TXLNG: variants seen among roughly 807,000 people sequenced by gnomAD.
TXLNG encodes the protein gamma-taxilin.
Under a neutral mutation model 38.8 loss-of-function variants are expected in TXLNG, and 5 were observed. That is an observed-to-expected ratio of 0.13 (90% CI 0.07 to 0.27). TXLNG has a LOEUF of 0.27. Ranked by LOEUF, TXLNG falls within the 10% of genes least tolerant of loss-of-function variation. TXLNG has a pLI of 1.00. For missense variants in TXLNG, 393 were observed against 398.2 expected, an observed-to-expected ratio of 0.99 and a Z score of 0.11; for synonymous variants, 182 against 158.2, an observed-to-expected ratio of 1.15 and a Z score of -1.13.
intron 3 of TXLNG, among the ~76,000 whole-genome samples, chrX:16,822,928 G>C (rs1380979586): frequency 1.8e-5 from 2 of 111,869 alleles, no homozygotes; most frequent in Non-Finnish European, 3.8e-5. Flanking sequence ...GATCACACTT[G>C]AAGTAGCAGG....
chrX:16,792,610 G>A (rs1927742733), intron 1 of TXLNG, among the ~76,000 whole-genome samples: 1 of 108,656 alleles, frequency 9.2e-6, no homozygotes, highest in Non-Finnish European at 1.9e-5. Flanking sequence ...GGGAGACCCC[G>A]TCTCTATGAA....
chrX:16,816,394 C>G (rs1326438172), intron 1 of TXLNG, among the ~76,000 whole-genome samples: 1 of 112,720 alleles, frequency 8.9e-6, no homozygotes, highest in African/African-American at 3.2e-5. Flanking sequence ...GAGACGAAGT[C>G]TCACTATATT....
chrX:16,840,354 G>T (rs747208190), intron 9 of TXLNG: 8 of 561,578 alleles, frequency 1.4e-5, no homozygotes, highest in Non-Finnish European at 1.7e-5. Flanking sequence ...AGGTGATGCT[G>T]ATGCAGCATG....
At position 16,829,565 on chromosome X, in the gene TXLNG, T is replaced by G; in HGVS notation, c.670-11T>G. 8.3e-7 allele frequency: 1 copy of G among 1,205,306 alleles called. No homozygotes were observed. Among genetic ancestry groups the G allele is most frequent in the South Asian group, 1.8e-5 (1 of 56,201 alleles). On this transcript the variant is annotated splice_polypyrimidine_tract_variant and intron_variant, in intron 4 of 9. Transcript: ENST00000380122. ...TCTGTATTATTAACAAAAATTATTT[T>G]GGGTAATAAGGAGGAAAATATGCAG... is the stretch of plus-strand genomic sequence containing the variant.
chrX:16,787,188 G>C (rs62586582), intron 1 of TXLNG, among the ~76,000 whole-genome samples: 3,040 of 112,056 alleles, frequency 0.027, 59 homozygotes, highest in Non-Finnish European at 0.04. Context: ...GAGCGGGTGA[G>C]TGTCGCAGGG....
chrX:16,841,944 C>A lies in TXLNG; in HGVS notation c.*178C>A. ...GCTTAGCAGTTTTGAATAGTTTAAT[C>A]TATAAATTTTCCTCAGCTGTGTTGC... On this transcript the variant is annotated 3_prime_UTR_variant, in exon 10 of 10. Coordinates refer to ENST00000380122, the MANE Select transcript of TXLNG (RefSeq NM_018360.3). 2.0e-6 allele frequency: 1 copy of A among 505,110 alleles called. No homozygotes were observed. 41.6% of individuals were successfully genotyped at this position (505,110 alleles called of 1,213,427 possible).
rs777703350 is a variant in TXLNG at position 16,818,796 on chromosome X, A to G, written c.325A>G (p.Ile109Val). ...CTGCACGCAAGAATCAAGAGAGGAA[A>G]TCCCTGGGGGAGAAGCTCGAACAGA... The part of the protein sequence containing the change: ...AYCTQESREE[I>V]PGGEARTDPP... Residue 109 changes from isoleucine to valine, a missense_variant, in exon 2 of 10, where the codon ATC (isoleucine) becomes GTC (valine). Transcript: ENST00000380122. 2 of 1,212,126 alleles carry G rather than the reference A, an allele frequency of 1.6e-6. No homozygotes were observed. The highest frequency in any genetic ancestry group is 4.3e-5 in the Admixed American group (2 of 46,041).
rs1929920768 is a variant in TXLNG at position 16,843,061 on chromosome X, TG to T, written c.*1297del. ...CAGATGATTAATCAGGCTGCACTGA[TG>T]GAAGTTTTGACTTTGTCCCTGGTAT... On this transcript the variant is annotated 3_prime_UTR_variant, in exon 10 of 10. Transcript: ENST00000380122. The T allele has an allele frequency of 8.9e-6, 1 of 112,598 alleles. No homozygotes were observed. The highest frequency in any genetic ancestry group is 3.2e-5 in the African/African-American group (1 of 31,008). 9.3% of individuals were successfully genotyped at this position (112,598 alleles called of 1,213,427 possible). A position where few individuals can be genotyped will look rare whatever the true frequency, so the allele number is the denominator to read the frequency against.
At position 16,842,793 on chromosome X, in the gene TXLNG, C is replaced by G. The variant is rs950237241; in HGVS notation, c.*1027C>G. On this transcript the variant is annotated 3_prime_UTR_variant, in exon 10 of 10. Coordinates refer to ENST00000380122, the MANE Select transcript of TXLNG (RefSeq NM_018360.3). ...CCGAAATTGATTTTCATTTCCAAAA[C>G]AAACACTGGCACCAACATTTTTACT... 11 of 111,990 alleles carry G rather than the reference C, an allele frequency of 9.8e-5. No individual in the cohort carries two copies. Among genetic ancestry groups the G allele is most frequent in the Admixed American group, 9.5e-4 (10 of 10,549 alleles). The allele number at this position is 111,990 out of a possible 1,213,427, so 9.2% of individuals were successfully genotyped here.
chrX:16,818,151 A>C (rs1928811406), intron 1 of TXLNG, among the ~76,000 whole-genome samples: 1 of 111,292 alleles, frequency 9.0e-6, no homozygotes, highest in African/African-American at 3.3e-5. Context: ...CCAACTCCAC[A>C]GGAACTTGGG....
At chrX:16,837,545 G>T (rs1413361918) in intron 7 of TXLNG, 48 bp from the exon 8 acceptor site, 11 of 980,773 alleles carry the variant, frequency 1.1e-5, no homozygotes, top group Non-Finnish European at 1.4e-6. Flanking sequence ...TTGGGAACTG[G>T]AATTGTTTGC....
chrX:16,821,756 C>T (rs776049570), intron 3 of TXLNG, among the ~76,000 whole-genome samples: 11 of 109,952 alleles, frequency 1.0e-4, no homozygotes, highest in African/African-American at 3.3e-4. Flanking sequence ...TTTGGGAGGC[C>T]AAGGTGGGCG....
At chrX:16,806,916 C>CA (rs1182577038) in intron 1 of TXLNG, among the ~76,000 whole-genome samples, 388 of 38,690 alleles carry the variant, frequency 0.01, 4 homozygotes, top group South Asian at 0.026. Flanking sequence ...GACTCTGTCT[C>CA]AAAAAAAAAA....
intron 3 of TXLNG, among the ~76,000 whole-genome samples, chrX:16,821,975 C>T (rs1033644238): frequency 3.7e-5 from 4 of 108,007 alleles, no homozygotes; most frequent in Non-Finnish European, 7.7e-5. Context: ...GCCTGGGCAA[C>T]GGAGCGAGAC....
At chrX:16,805,280 C>T (rs747240234) in intron 1 of TXLNG, among the ~76,000 whole-genome samples, 1 of 110,548 alleles carries the variant, frequency 9.0e-6, no homozygotes, top group African/African-American at 3.3e-5. Context: ...ACCGCACCCG[C>T]CCTCCACCCC....
chrX:16,816,954 C>T (rs1569267169), intron 1 of TXLNG, among the ~76,000 whole-genome samples: 1 of 111,854 alleles, frequency 8.9e-6, no homozygotes, highest in Non-Finnish European at 1.9e-5. Flanking sequence ...TACAAGCACC[C>T]CAGGAGGCCC....
chrX:16,815,496 A>G (rs1429404795), intron 1 of TXLNG, among the ~76,000 whole-genome samples: 1 of 105,836 alleles, frequency 9.4e-6, no homozygotes, highest in Non-Finnish European at 1.9e-5. Flanking sequence ...TCTTATACCT[A>G]ATGGTTTTCA....
intron 1 of TXLNG, among the ~76,000 whole-genome samples, chrX:16,788,056 G>A (rs60196358): frequency 0.032 from 3,567 of 111,903 alleles, 172 homozygotes; most frequent in African/African-American, 0.11. Flanking sequence ...GACTGAAAAA[G>A]AAGCTGTGGA....
chrX:16,817,036 C>G (rs1928771367), intron 1 of TXLNG, among the ~76,000 whole-genome samples: 1 of 112,019 alleles, frequency 8.9e-6, no homozygotes, highest in Admixed American at 9.5e-5. Flanking sequence ...GAACTTTATA[C>G]ATAAATGATT....
Sources: gnomAD v4.1 joint callset for allele counts (sites outside exome capture counted in the v4.1 genomes callset) on GRCh38, gnomAD v4.1.1 for gene constraint, MANE v1.5 for transcripts, NCBI Gene and HGNC (gene_info 2026-07-23, HGNC 2026-07-21) for gene names.